MPDZ: variants seen among roughly 807,000 people sequenced by gnomAD.
The protein encoded by MPDZ is multiple PDZ domain crumbs cell polarity complex component.
Under a neutral mutation model 239.1 loss-of-function variants are expected in MPDZ, and 234 were observed. The ratio of observed to expected loss-of-function variants is 0.98; its 90% CI spans 0.88 to 1.09. MPDZ has a LOEUF of 1.09. Among genes scored for constraint, MPDZ ranks in the 50% least tolerant of loss-of-function variants. The probability of loss-of-function intolerance (pLI) is 0.00; values close to 1 mark genes in which losing one functional copy is unlikely to be tolerated. For synonymous variants in MPDZ, 1,048 were observed against 881.3 expected (o/e 1.19, Z -3.35); for missense variants, 3,175 against 2,510.0 (o/e 1.26, Z -5.66).
At chr9:13,145,384 A>T (rs1948299707) in intron 26 of MPDZ, among the ~76,000 whole-genome samples, 1 of 151,936 alleles carries the variant, frequency 6.6e-6, no homozygotes, top group Non-Finnish European at 1.5e-5. Context: ...ATACTGGTGA[A>T]ATTACCAGGG....
chr9:13,268,941 A>C (rs1256592510), intron 1 of MPDZ, among the ~76,000 whole-genome samples: 6 of 152,238 alleles, frequency 3.9e-5, no homozygotes, highest in Non-Finnish European at 8.8e-5. Flanking sequence ...TGATAAAACA[A>C]TTCTTGCAAT....
chr9:13,268,365 T>A (rs1276782704), intron 1 of MPDZ, among the ~76,000 whole-genome samples: 3 of 152,036 alleles, frequency 2.0e-5, no homozygotes, highest in Non-Finnish European at 2.9e-5. Context: ...TTCAAATAAA[T>A]TTTTTATATC....
At chr9:13,268,265 A>T (rs1054883020) in intron 1 of MPDZ, among the ~76,000 whole-genome samples, 1 of 152,076 alleles carries the variant, frequency 6.6e-6, no homozygotes, top group Non-Finnish European at 1.5e-5. Flanking sequence ...GTGAGCACTT[A>T]CATATTCCTA....
chr9:13,156,934 G>A (rs960036363), intron 24 of MPDZ, among the ~76,000 whole-genome samples: 1 of 152,124 alleles, frequency 6.6e-6, no homozygotes, highest in African/African-American at 2.4e-5. Flanking sequence ...TAGAGAGCTT[G>A]GGATTTTTTA....
chr9:13,197,622 C>T (rs1587713891), intron 12 of MPDZ, among the ~76,000 whole-genome samples: 1 of 151,864 alleles, frequency 6.6e-6, no homozygotes, highest in Admixed American at 6.6e-5. Context: ...GGGAACATTC[C>T]AAATCTTCTT....
At chr9:13,193,449 G>T in intron 13 of MPDZ, 136 bp from the exon 14 acceptor site, 1 of 959,164 alleles carries the variant, frequency 1.0e-6, no homozygotes, top group Non-Finnish European at 1.5e-6. Flanking sequence ...TTGTAAAACT[G>T]CAAAGCTTTG....
intron 3 of MPDZ, among the ~76,000 whole-genome samples, chr9:13,240,885 G>T (rs1030473015): frequency 2.0e-5 from 3 of 152,118 alleles, no homozygotes; most frequent in Non-Finnish European, 4.4e-5. Flanking sequence ...GTTATAACCA[G>T]TAAATTTCAC....
chr9:13,253,454 T>C (rs992143795), intron 1 of MPDZ, among the ~76,000 whole-genome samples: 7 of 152,180 alleles, frequency 4.6e-5, no homozygotes, highest in African/African-American at 9.7e-5. Flanking sequence ...GAGGATTCAG[T>C]TCTAATTATA....
intron 32 of MPDZ, among the ~76,000 whole-genome samples, chr9:13,131,450 C>T (rs994499616): frequency 6.6e-6 from 1 of 152,128 alleles, no homozygotes; most frequent in African/African-American, 2.4e-5. Context: ...GAAAGTGAGA[C>T]CCAGACAAGT....
At position 13,217,232 on chromosome 9, in the gene MPDZ, A is replaced by C; in HGVS notation, c.1149T>G (p.Asn383Lys). ...SETFDVELTKNVQGLGITIAG... is the reference protein window; with the variant it reads ...SETFDVELTKKVQGLGITIAG... ...CAATGGTAATTCCTAATCCTTGGAC[A>C]TTTTTAGTGAGTTCTACATCAAATG... Residue 383 changes from asparagine to lysine, a missense_variant, in exon 9 of 47, where the codon AAT becomes AAG. Coordinates refer to ENST00000319217, the MANE Select transcript of MPDZ (RefSeq NM_001378778.1). 3.1e-6 allele frequency: 5 copies of C among 1,604,452 alleles called. No individual in the cohort carries two copies. The highest frequency in any genetic ancestry group is 4.3e-6 in the Non-Finnish European group (5 of 1,175,494).
chr9:13,109,656 T>A (rs1332360737), intron 45 of MPDZ, among the ~76,000 whole-genome samples: 1 of 152,130 alleles, frequency 6.6e-6, no homozygotes, highest in Admixed American at 6.6e-5. Context: ...TTACATGAAG[T>A]GGTAACATCA....
intron 2 of MPDZ, among the ~76,000 whole-genome samples, chr9:13,248,409 A>G (rs1015691304): frequency 7.2e-5 from 11 of 152,184 alleles, no homozygotes; most frequent in African/African-American, 2.7e-4. Context: ...TGTACAAATC[A>G]GACACAAAGT....
intron 10 of MPDZ, among the ~76,000 whole-genome samples, chr9:13,216,445 C>T (rs1378082607): frequency 6.7e-6 from 1 of 149,292 alleles, no homozygotes; most frequent in African/African-American, 2.5e-5. Context: ...AGGTACTGGA[C>T]ATCTGGTCTC....
chr9:13,204,455 T>A (rs1956767977), intron 12 of MPDZ, among the ~76,000 whole-genome samples: 1 of 152,004 alleles, frequency 6.6e-6, no homozygotes, highest in Non-Finnish European at 1.5e-5. Context: ...TACTCTAAAT[T>A]TTTAAAAATA....
chr9:13,268,201 C>T (rs1972208151), intron 1 of MPDZ, among the ~76,000 whole-genome samples: 1 of 150,700 alleles, frequency 6.6e-6, no homozygotes, highest in Non-Finnish European at 1.5e-5. Flanking sequence ...TCTAGATATA[C>T]AGATGGTACT....
At chr9:13,203,773 C>CACAG (rs1400930663) in intron 12 of MPDZ, among the ~76,000 whole-genome samples, 20 of 125,734 alleles carry the variant, frequency 1.6e-4, no homozygotes, top group South Asian at 2.7e-4. Context: ...CACACACACA[C>CACAG]AGAGAGAGAA....
intron 1 of MPDZ, among the ~76,000 whole-genome samples, chr9:13,255,854 C>T (rs1447436038): frequency 6.6e-6 from 1 of 152,314 alleles, no homozygotes; most frequent in East Asian, 1.9e-4. Context: ...TAAGCACTGG[C>T]TTCAATTTGA....
At chr9:13,131,027 T>C (rs1181589718) in intron 32 of MPDZ, among the ~76,000 whole-genome samples, 2 of 152,152 alleles carry the variant, frequency 1.3e-5, no homozygotes, top group South Asian at 2.1e-4. Context: ...TGCTAAGAAG[T>C]AAATAACATA....
intron 10 of MPDZ, among the ~76,000 whole-genome samples, chr9:13,215,999 C>G (rs113619393): frequency 3.7e-5 from 5 of 134,424 alleles, no homozygotes; most frequent in African/African-American, 1.4e-4. Context: ...GTTGGGATTA[C>G]AGGCATGAGC....
Sources: gnomAD v4.1 joint callset for allele counts (sites outside exome capture counted in the v4.1 genomes callset) on GRCh38, gnomAD v4.1.1 for gene constraint, MANE v1.5 for transcripts, NCBI Gene and HGNC (gene_info 2026-07-23, HGNC 2026-07-21) for gene names.